The following TMEM255A variants were observed in gnomAD, a reference collection of about 807,000 sequenced individuals.
TMEM255A encodes the protein family with sequence similarity 70, member A.
TMEM255A carries 14 observed loss-of-function variants against 23.5 expected under a neutral mutation model. The observed-to-expected ratio is 0.60, with a 90% CI of 0.39 to 0.93. The LOEUF (loss-of-function observed/expected upper bound fraction) is 0.93, where lower values mean the gene tolerates loss of function less well. TMEM255A is among the 40% of genes least tolerant of loss of function. The probability of loss-of-function intolerance (pLI) is 0.00; values close to 1 mark genes in which losing one functional copy is unlikely to be tolerated. For missense variants in TMEM255A, 233 were observed against 261.7 expected (o/e 0.89, Z 0.76); for synonymous variants, 104 against 100.3 (o/e 1.04, Z -0.22).
At chrX:120,254,653 A>C, downstream of TMEM255A, 1 of 1,212,236 alleles carries the variant, frequency 8.2e-7, no homozygotes, top group Non-Finnish European at 1.1e-6. Flanking sequence ...ATGGAGGGTC[A>C]GAAGATCATT....
chrX:120,254,812 C>A (rs782029088), downstream of TMEM255A: 2 of 1,210,127 alleles, frequency 1.7e-6, no homozygotes, highest in Non-Finnish European at 2.2e-6. Flanking sequence ...ATACCAAAAA[C>A]GTCTGGCAGC....
At chrX:120,263,970 C>G (rs1198486813) in intron 8 of TMEM255A, among the ~76,000 whole-genome samples, 2 of 111,334 alleles carry the variant, frequency 1.8e-5, no homozygotes, top group Non-Finnish European at 3.8e-5. Flanking sequence ...AGGGTGAAAC[C>G]TAGTGTACCC....
At chrX:120,271,232 A>C (rs782454450) in intron 7 of TMEM255A, among the ~76,000 whole-genome samples, 2 of 112,251 alleles carry the variant, frequency 1.8e-5, no homozygotes, top group South Asian at 7.5e-4. Flanking sequence ...CACTCATAGA[A>C]CCAGAAAGGG....
chrX:120,276,189 G>A (rs1351331664), intron 7 of TMEM255A, among the ~76,000 whole-genome samples: 1 of 111,358 alleles, frequency 9.0e-6, no homozygotes, highest in East Asian at 2.8e-4. Context: ...ACAAATAAAT[G>A]CTTAGAAATG....
rs11342181 is a variant in TMEM255A at position 120,275,784 on chromosome X, A to ATTTTTTTTTTTTTTTTTT, written c.675+1083_675+1100dup. Reference sequence around the variant, plus strand: ...GAATCTTTAGAGAAGGAGCCCAAGCATTTTTTTTTTTTTTTTTTTTTTTTT... The same window carrying ATTTTTTTTTTTTTTTTTT: ...GAATCTTTAGAGAAGGAGCCCAAGCATTTTTTTTTTTTTTTTTTTTTTTTTTTTTTTTTTTTTTTTTTT... On this transcript the variant is annotated intron_variant, in intron 7 of 8. Coordinates refer to ENST00000371369, the MANE Select transcript of TMEM255A (RefSeq NM_001104544.3). 2.3e-4 allele frequency among the ~76,000 whole-genome samples: 14 copies of ATTTTTTTTTTTTTTTTTT among 60,250 alleles called. 2 individuals carry two copies. Among genetic ancestry groups the ATTTTTTTTTTTTTTTTTT allele is most frequent in the African/African-American group, 9.9e-4 (14 of 14,095 alleles). The allele number at this position is 60,250 out of a possible 115,157, so 52.3% of individuals were successfully genotyped here. A position where few individuals can be genotyped will look rare whatever the true frequency, so the allele number is the denominator to read the frequency against.
In TMEM255A at chrX:120,293,995, C is replaced by A; in HGVS notation, c.258G>T (p.Arg86Ser). The change falls in exon 3 of 9, where the codon AGG becomes AGT. Residue 86 changes from arginine to serine, a missense_variant. Coordinates refer to ENST00000371369, the MANE Select transcript of TMEM255A (RefSeq NM_001104544.3). ...IIGSNLIENK[R>S]QMLVASIVFI... is the part of the protein sequence containing the mutation. ...ATAAGGGATGAAAACTTACCATCTG[C>A]CTTTTGTTCTCAATAAGGTTTGATC... 8.4e-7 allele frequency: 1 copy of A among 1,186,757 alleles called. No individual in the cohort carries two copies. Among genetic ancestry groups the A allele is most frequent in the Non-Finnish European group, 1.1e-6 (1 of 878,109 alleles).
intron 7 of TMEM255A, among the ~76,000 whole-genome samples, chrX:120,268,812 A>G (rs1603400281): frequency 8.9e-6 from 1 of 112,301 alleles, no homozygotes; most frequent in African/African-American, 3.2e-5. Context: ...TAACTTGAAA[A>G]ATTTAAACCT....
chrX:120,289,587 C>T lies in TMEM255A; in HGVS notation c.354+1664G>A, dbSNP rs149260274. Among the ~76,000 whole-genome samples the T allele has an allele frequency of 9.6e-3, 1,071 of 111,966 alleles. 16 individuals carry two copies. Among genetic ancestry groups the T allele is most frequent in the African/African-American group, 0.033 (1,024 of 30,812 alleles). Reference sequence around the variant, plus strand: ...ACTCTGGTGGGAATGTAAAATAGTGCAGCCACTTTGGAAAATACTCTGGCA... The same window carrying T: ...ACTCTGGTGGGAATGTAAAATAGTGTAGCCACTTTGGAAAATACTCTGGCA... On this transcript the variant is annotated intron_variant, in intron 4 of 8. Coordinates refer to ENST00000371369, the MANE Select transcript of TMEM255A (RefSeq NM_001104544.3).
downstream of TMEM255A, chrX:120,255,294 G>A: frequency 8.3e-7 from 1 of 1,211,879 alleles, no homozygotes. Context: ...AGAACCTCCA[G>A]TAGGGACCAC....
chrX:120,302,845 C>T (rs186463916), intron 2 of TMEM255A, among the ~76,000 whole-genome samples: 4 of 111,067 alleles, frequency 3.6e-5, no homozygotes, highest in Non-Finnish European at 7.6e-5. Flanking sequence ...ATAGCTCTGG[C>T]TTGTCCAAGG....
intron 4 of TMEM255A, 49 bp downstream of exon 4, chrX:120,291,202 C>T (rs782820826): frequency 4.1e-6 from 4 of 981,613 alleles, no homozygotes; most frequent in East Asian, 3.1e-5. Context: ...TTCAGTGGGG[C>T]CTTGTTGTAT....
At chrX:120,256,788 AT>A (rs782587377), downstream of TMEM255A, 3,702 of 106,527 alleles carry the variant, frequency 0.035, 44 homozygotes, top group African/African-American at 0.059. Context: ...TCTGTAAATG[AT>A]TTTTTTTTTT....
intron 6 of TMEM255A, among the ~76,000 whole-genome samples, chrX:120,280,295 G>A (rs1253335913): frequency 9.0e-6 from 1 of 110,658 alleles, no homozygotes; most frequent in Non-Finnish European, 1.9e-5. Context: ...TCCCTGGCCA[G>A]TATTAAGACT....
intron 8 of TMEM255A, among the ~76,000 whole-genome samples, chrX:120,262,175 G>A (rs782003977): frequency 9.1e-5 from 10 of 110,459 alleles, no homozygotes; most frequent in East Asian, 2.8e-4. Context: ...CCGTAATCCC[G>A]GCTACTCAGG....
intron 2 of TMEM255A, among the ~76,000 whole-genome samples, chrX:120,298,481 G>A (rs1272300447): frequency 9.0e-6 from 1 of 111,440 alleles, no homozygotes; most frequent in Non-Finnish European, 1.9e-5. Flanking sequence ...TTGAACTGAT[G>A]TGAGGTTATA....
Position 120,259,330 on chromosome X carries a change from T to C in TMEM255A, c.*1540A>G, listed in dbSNP as rs2057659921. On this transcript the variant is annotated 3_prime_UTR_variant, in exon 9 of 9. Transcript: ENST00000371369. ...GGATTCAAAATCTGGATAAGAACAT[T>C]CATGATGCTGAAAGTTAAACTGAAT... The C allele has an allele frequency of 8.9e-6, 1 of 112,815 alleles. No homozygotes were observed. The highest frequency in any genetic ancestry group is 1.9e-5 in the Non-Finnish European group (1 of 53,290). 9.3% of individuals were successfully genotyped at this position (112,815 alleles called of 1,213,427 possible).
At chrX:120,256,640 T>A (rs1167623165), downstream of TMEM255A, 2 of 123,112 alleles carry the variant, frequency 1.6e-5, no homozygotes, top group African/African-American at 3.2e-5. Flanking sequence ...ATACCACTTT[T>A]AAAAATGACA....
intron 6 of TMEM255A, 58 bp from the exon 7 acceptor site, chrX:120,277,105 C>G (rs1477203103): frequency 8.5e-6 from 9 of 1,062,401 alleles, no homozygotes; most frequent in African/African-American, 1.8e-5. Context: ...TCCTCCCCAG[C>G]CCCCTCCCCA....
intron 3 of TMEM255A, among the ~76,000 whole-genome samples, chrX:120,291,745 G>C (rs1454834788): frequency 3.7e-5 from 4 of 107,901 alleles, no homozygotes; most frequent in African/African-American, 1.4e-4. Context: ...AGGGGAAATG[G>C]TGTGCCCAGG....
Sources: allele counts gnomAD v4.1 joint callset (sites outside exome capture counted in the v4.1 genomes callset), GRCh38; gene constraint gnomAD v4.1.1; transcripts MANE v1.5; gene names NCBI Gene and HGNC (gene_info 2026-07-23, HGNC 2026-07-21).